The following HIP1 variants were observed in gnomAD, a reference collection of about 807,000 sequenced individuals.
HIP1 encodes huntingtin-interacting protein 1.
HIP1 carries 65 observed loss-of-function variants against 147.6 expected under a neutral mutation model. The observed-to-expected ratio is 0.44, with a 90% confidence interval of 0.36 to 0.54. The LOEUF is 0.54. HIP1 is among the 20% of genes least tolerant of loss of function. The pLI is 0.00. For missense variants in HIP1, 1,061 were observed against 1,299.6 expected (o/e 0.82, Z 2.82); for synonymous variants, 479 against 504.0 (o/e 0.95, Z 0.67).
intron 1 of HIP1, among the ~76,000 whole-genome samples, chr7:75,617,893 G>A (rs782619298): frequency 1.1e-4 from 17 of 152,180 alleles, no homozygotes; most frequent in Admixed American, 2.0e-4. Context: ...TCACTGGTTG[G>A]GCAAGTCACC....
chr7:75,624,781 C>CTCTCTAA (rs1350638360), intron 1 of HIP1, among the ~76,000 whole-genome samples: 50 of 152,274 alleles, frequency 3.3e-4, no homozygotes, highest in Admixed American at 5.2e-4. Context: ...TTCATGCCAC[C>CTCTCTAA]TCTCTAACCA....
intron 1 of HIP1, among the ~76,000 whole-genome samples, chr7:75,602,302 GC>G (rs1797021971): frequency 9.0e-6 from 1 of 110,646 alleles, no homozygotes; most frequent in Admixed American, 1.1e-4. Flanking sequence ...CACCTGGCCA[GC>G]TTTTTTTTTT....
At chr7:75,553,381 ATTCCC>A in intron 22 of HIP1, 67 bp downstream of exon 22, 2 of 1,543,400 alleles carry the variant, frequency 1.3e-6, no homozygotes, top group Non-Finnish European at 1.8e-6. Context: ...AACATCACCG[ATTCCC>A]TGGCCATTCA....
At position 75,535,245 on chromosome 7, in the gene HIP1, A is replaced by G. The variant is rs1667480517; in HGVS notation, c.*2927T>C. ...TTTTTAGAGACAGGATCATTCAGAT[A>G]ATTTTTTGTTTGTTTTTAAAGAGAT... is the stretch of plus-strand genomic sequence containing the variant. On this transcript the variant is annotated 3_prime_UTR_variant, in exon 31 of 31. Transcript: ENST00000336926. The G allele has an allele frequency of 9.6e-6, 2 of 208,168 alleles. No individual in the cohort carries two copies. The highest frequency in any genetic ancestry group is 1.2e-4 in the Admixed American group (2 of 16,834). 12.9% of individuals were successfully genotyped at this position (208,168 alleles called of 1,614,324 possible).
At chr7:75,702,269 T>G (rs1554519233) in intron 1 of HIP1, among the ~76,000 whole-genome samples, 1 of 152,000 alleles carries the variant, frequency 6.6e-6, no homozygotes, top group African/African-American at 2.4e-5. Flanking sequence ...CACCACCACA[T>G]CTGGCAAATT....
chr7:75,665,485 G>C (rs908357341), intron 1 of HIP1, among the ~76,000 whole-genome samples: 1 of 152,014 alleles, frequency 6.6e-6, no homozygotes, highest in Non-Finnish European at 1.5e-5. Context: ...AGGCCATCCT[G>C]TCTTGTGGCT....
intron 2 of HIP1, among the ~76,000 whole-genome samples, chr7:75,593,302 G>A (rs1796567313): frequency 6.6e-6 from 1 of 152,088 alleles, no homozygotes; most frequent in South Asian, 2.1e-4. Flanking sequence ...ACATTTGAGG[G>A]CTTCCTCAGG....
chr7:75,590,956 G>C (rs1796481205), intron 4 of HIP1, among the ~76,000 whole-genome samples: 1 of 152,028 alleles, frequency 6.6e-6, no homozygotes, highest in South Asian at 2.1e-4. Flanking sequence ...ACAGATACAG[G>C]TAAGACTGTG....
At chr7:75,609,901 T>TTG (rs1467011395) in intron 1 of HIP1, among the ~76,000 whole-genome samples, 2 of 145,788 alleles carry the variant, frequency 1.4e-5, no homozygotes, top group Admixed American at 1.4e-4. Context: ...TTCTCTTCTT[T>TTG]TCTTTTTTTT....
At chr7:75,549,950 G>T (rs1554491819) in intron 22 of HIP1, among the ~76,000 whole-genome samples, 1 of 151,402 alleles carries the variant, frequency 6.6e-6, no homozygotes, top group African/African-American at 2.4e-5. Context: ...TGCTGGGATT[G>T]AATTACTATA....
rs549920423 is a variant in HIP1, at chr7:75,714,979, T to C, written c.120+23822A>G. 5.3e-5 allele frequency among the ~76,000 whole-genome samples: 8 copies of C among 152,346 alleles called. 1 individual carries two copies. Among genetic ancestry groups the C allele is most frequent in the African/African-American group, 1.9e-4 (8 of 41,576 alleles). ...CAGTTCCTTAGCCTTTCCTGCTCTT[T>C]CATGACCTTCACACTTTGGAAGAGT... On this transcript the variant is annotated intron_variant, in intron 1 of 30. Transcript: ENST00000336926.
chr7:75,697,703 T>C (rs373535358), intron 1 of HIP1, among the ~76,000 whole-genome samples: 1 of 152,132 alleles, frequency 6.6e-6, no homozygotes, highest in East Asian at 1.9e-4. Context: ...TCCCAGCTAT[T>C]TGGGAGGCTA....
intron 1 of HIP1, among the ~76,000 whole-genome samples, chr7:75,660,062 G>GTTGCACTGAGCCGAGA (rs1280683796): frequency 6.6e-6 from 1 of 151,634 alleles, no homozygotes; most frequent in African/African-American, 2.4e-5. Context: ...AGAAGCGGAG[G>GTTGCACTGAGCCGAGA]TTGCACTGAG....
chr7:75,607,464 G>A lies in HIP1; in HGVS notation c.121-8217C>T, dbSNP rs1272768482. Among the ~76,000 whole-genome samples, 3 of 149,360 alleles carry A rather than the reference G, an allele frequency of 2.0e-5. No homozygotes were observed. In the Admixed American group the frequency reaches 2.0e-4, roughly 10 times the overall value. ...GGCTGGTCTTGAATTCCTGACCTCAGGTGATCCGCCCATCTTGGCCTCTCA... is the reference window on the plus strand; with the variant it reads ...GGCTGGTCTTGAATTCCTGACCTCAAGTGATCCGCCCATCTTGGCCTCTCA... On this transcript the variant is annotated intron_variant, in intron 1 of 30. Coordinates refer to ENST00000336926, the MANE Select transcript of HIP1 (RefSeq NM_005338.7).
At chr7:75,603,762 A>C (rs1268655857) in intron 1 of HIP1, among the ~76,000 whole-genome samples, 1 of 151,772 alleles carries the variant, frequency 6.6e-6, no homozygotes, top group Non-Finnish European at 1.5e-5. Context: ...AGTCCCAGCT[A>C]CTAGGGAGGT....
chr7:75,541,769 C>G, intron 29 of HIP1, 150 bp downstream of exon 29: 1 of 593,372 alleles, frequency 1.7e-6, no homozygotes, highest in South Asian at 2.1e-5. Context: ...TTCTCTACCT[C>G]CACTGTTTCT....
In HIP1 at chr7:75,616,684, T is replaced by C. The variant is rs1303922596; in HGVS notation, c.121-17437A>G. Among the ~76,000 whole-genome samples the C allele has an allele frequency of 4.6e-5, 7 of 152,144 alleles. No individual in the cohort carries two copies. The East Asian group carries it at 1.4e-3, about 29-fold the overall frequency. ...GCCACAAAGCCAAAAACATTTACCA[T>C]CTGGCCCTTTGCAGAAAATGTTTGC... is the stretch of plus-strand genomic sequence containing the variant. On this transcript the variant is annotated intron_variant, in intron 1 of 30. Coordinates refer to ENST00000336926, the MANE Select transcript of HIP1 (RefSeq NM_005338.7).
chr7:75,544,172 C>CAAAAA (rs369891293), intron 27 of HIP1, among the ~76,000 whole-genome samples: 2 of 96,628 alleles, frequency 2.1e-5, no homozygotes, highest in African/African-American at 7.6e-5. Context: ...GCTCTGTCTC[C>CAAAAA]AAAAAAAAAA....
At chr7:75,639,205 G>A in intron 1 of HIP1, 2 of 982,164 alleles carry the variant, frequency 2.0e-6, no homozygotes, top group Non-Finnish European at 2.4e-6. Context: ...GGCAGGCGGC[G>A]GCGGCGGCGG....
Sources: allele counts gnomAD v4.1 joint callset (sites outside exome capture counted in the v4.1 genomes callset), GRCh38; gene constraint gnomAD v4.1.1; transcripts MANE v1.5; gene names NCBI Gene and HGNC (gene_info 2026-07-23, HGNC 2026-07-21).